Variants in COL21A1 observed in about 807,000 individuals in gnomAD.
COL21A1 encodes collagen alpha-1(XXI) chain.
COL21A1 carries 149 observed loss-of-function variants against 137.9 expected under a neutral mutation model. The ratio of observed to expected loss-of-function variants is 1.08; its 90% CI spans 0.95 to 1.24. The LOEUF is 1.24. COL21A1 is among the 50% of genes most tolerant of loss of function. COL21A1 has a pLI of 0.00. For missense variants in COL21A1, 1,167 were observed against 1,158.4 expected, an observed-to-expected ratio of 1.01 and a Z score of -0.11; for synonymous variants, 456 against 391.5, an observed-to-expected ratio of 1.16 and a Z score of -1.95.
intron 12 of COL21A1, among the ~76,000 whole-genome samples, chr6:56,139,412 G>C (rs1444059812): frequency 1.3e-5 from 2 of 152,028 alleles, no homozygotes; most frequent in African/African-American, 4.8e-5. Flanking sequence ...TCTAAATTCA[G>C]AACTAAGCCT....
At chr6:56,332,399 T>C (rs184738166) in intron 1 of COL21A1, among the ~76,000 whole-genome samples, 1 of 152,126 alleles carries the variant, frequency 6.6e-6, no homozygotes, top group East Asian at 1.9e-4. Context: ...TAATGTGATA[T>C]AGCCAGAAGA....
intron 1 of COL21A1, among the ~76,000 whole-genome samples, chr6:56,278,502 A>G (rs941869504): frequency 6.6e-6 from 1 of 152,174 alleles, no homozygotes; most frequent in Non-Finnish European, 1.5e-5. Flanking sequence ...CATTCCCCAA[A>G]TGAGCTAAAG....
intron 12 of COL21A1, among the ~76,000 whole-genome samples, chr6:56,136,258 C>T (rs576139823): frequency 3.3e-5 from 5 of 152,240 alleles, no homozygotes; most frequent in Admixed American, 3.3e-4. Context: ...AGCAATAAAC[C>T]TTTGATTTAA....
At chr6:56,332,101 G>A (rs1765239477) in intron 1 of COL21A1, 1 of 152,076 alleles carries the variant, frequency 6.6e-6, no homozygotes, top group Non-Finnish European at 1.5e-5. Flanking sequence ...AGTTGTTATT[G>A]TACAATGCTG....
intron 10 of COL21A1, among the ~76,000 whole-genome samples, chr6:56,151,126 T>A (rs1198035657): frequency 6.6e-6 from 1 of 152,070 alleles, no homozygotes; most frequent in Non-Finnish European, 1.5e-5. Flanking sequence ...CTCGGGAGGC[T>A]GAGGCAGGAG....
At chr6:56,187,875 T>G (rs1778400215) in intron 1 of COL21A1, among the ~76,000 whole-genome samples, 1 of 152,222 alleles carries the variant, frequency 6.6e-6, no homozygotes, top group Non-Finnish European at 1.5e-5. Context: ...CATTTAAGAA[T>G]GCAAGCCAAT....
At chr6:56,288,250 A>AG (rs1438436765) in intron 1 of COL21A1, among the ~76,000 whole-genome samples, 1 of 114,924 alleles carries the variant, frequency 8.7e-6, no homozygotes, top group African/African-American at 4.8e-5. Context: ...TTAAAAAAAT[A>AG]AAAGAAAAAA....
intron 1 of COL21A1, among the ~76,000 whole-genome samples, chr6:56,363,257 C>T (rs1297254755): frequency 6.6e-6 from 1 of 152,236 alleles, no homozygotes; most frequent in Non-Finnish European, 1.5e-5. Flanking sequence ...ACAGCAGAAG[C>T]AGCAGGTCAT....
chr6:56,159,522 A>G (rs975040672), intron 9 of COL21A1, among the ~76,000 whole-genome samples: 3 of 151,818 alleles, frequency 2.0e-5, no homozygotes, highest in African/African-American at 7.3e-5. Flanking sequence ...TAGTAGAGAC[A>G]GGGTTTCGCC....
chr6:56,226,127 AT>A, intron 1 of COL21A1, among the ~76,000 whole-genome samples: 1 of 152,176 alleles, frequency 6.6e-6, no homozygotes, highest in South Asian at 2.1e-4. Flanking sequence ...TTCAAATCTA[AT>A]TTTAGGAATG....
intron 1 of COL21A1, among the ~76,000 whole-genome samples, chr6:56,393,050 C>CAA (rs34338247): frequency 2.8e-4 from 35 of 123,798 alleles, no homozygotes; most frequent in South Asian, 7.3e-4. Flanking sequence ...CAATCCTTAG[C>CAA]AAAAAAAAAA....
chr6:56,306,974 T>C (rs1039718977), intron 1 of COL21A1, among the ~76,000 whole-genome samples: 1 of 152,228 alleles, frequency 6.6e-6, no homozygotes, highest in Admixed American at 6.5e-5. Context: ...CTGTTGGAGT[T>C]TGCTGGAGGT....
rs575475249 is a variant in COL21A1 at position 56,140,551 on chromosome 6, G to A, written c.1542+1234C>T. 4.8e-4 allele frequency among the ~76,000 whole-genome samples: 73 copies of A among 152,254 alleles called. No individual in the cohort carries two copies. In the Middle Eastern group the frequency reaches 0.01, roughly 21 times the overall value. ...GATACCTGGAAAAGTATCCTGCACT[G>A]CCACAAGTCAAAGTCATCTCAGGGG... On this transcript the variant is annotated intron_variant, in intron 12 of 29. Transcript: ENST00000244728.
At chr6:56,114,614 C>G (rs1771745278) in intron 16 of COL21A1, among the ~76,000 whole-genome samples, 2 of 151,690 alleles carry the variant, frequency 1.3e-5, no homozygotes, top group African/African-American at 2.4e-5. Context: ...AAATCAAAAC[C>G]ACAATGAGAT....
At chr6:56,391,702 A>G (rs1477940085) in intron 1 of COL21A1, among the ~76,000 whole-genome samples, 5 of 152,164 alleles carry the variant, frequency 3.3e-5, no homozygotes, top group African/African-American at 7.2e-5. Context: ...GGATATGTTT[A>G]TAGATGTATA....
In COL21A1 at chr6:56,168,169, C is replaced by T; in HGVS notation, c.1155G>A (p.Gly385=). The change falls in exon 6 of 30, where the codon GGG becomes GGA. Residue 385 remains glycine, a synonymous_variant. Coordinates refer to ENST00000244728, the MANE Select transcript of COL21A1 (RefSeq NM_030820.4). ...LHPVLGILIN[G]QTQIGKYSGK... is the part of the protein sequence containing the mutation. Reference sequence around the variant, plus strand: ...CAGAATATTTTCCAATTTGGGTTTGCCCATTGATCAAGATCCCTAAAACTG... The same window carrying T: ...CAGAATATTTTCCAATTTGGGTTTGTCCATTGATCAAGATCCCTAAAACTG... 2 of 1,543,678 alleles carry T rather than the reference C, an allele frequency of 1.3e-6. No homozygotes were observed. The highest frequency in any genetic ancestry group is 1.8e-6 in the Non-Finnish European group (2 of 1,141,030).
At chr6:56,153,353 T>G (rs1383467929) in intron 10 of COL21A1, among the ~76,000 whole-genome samples, 5 of 152,132 alleles carry the variant, frequency 3.3e-5, no homozygotes, top group Non-Finnish European at 7.4e-5. Flanking sequence ...CTTTTCTAAC[T>G]AGAATCAACG....
rs1001950206 is a variant in COL21A1 at position 56,113,355 on chromosome 6, T to C, written c.1758+10707A>G. Among the ~76,000 whole-genome samples the C allele has an allele frequency of 3.9e-5, 6 of 152,264 alleles. No homozygotes were observed. In the East Asian group the frequency reaches 1.2e-3, roughly 29 times the overall value. The stretch of plus-strand genomic sequence containing the variant: ...AGAGGACTTTGTCTTGTATCTTGAA[T>C]ACCAGCTCAGCCACAGCAGGATAGG... On this transcript the variant is annotated intron_variant, in intron 16 of 29. Transcript: ENST00000244728.
At chr6:56,304,009 G>A (rs555568741) in intron 1 of COL21A1, among the ~76,000 whole-genome samples, 3 of 152,136 alleles carry the variant, frequency 2.0e-5, no homozygotes, top group African/African-American at 7.2e-5. Context: ...TTTGTCGTTG[G>A]TTCTGTTTAT....
Sources: allele counts gnomAD v4.1 joint callset (sites outside exome capture counted in the v4.1 genomes callset), GRCh38; gene constraint gnomAD v4.1.1; transcripts MANE v1.5; gene names NCBI Gene and HGNC (gene_info 2026-07-23, HGNC 2026-07-21).